The following TBC1D22A variants were observed in gnomAD, a reference collection of about 807,000 sequenced individuals.
The protein encoded by TBC1D22A is TBC1 domain family member 22A.
TBC1D22A carries 38 observed loss-of-function variants against 60.2 expected under a neutral mutation model. The ratio of observed to expected loss-of-function variants is 0.63; its 90% CI spans 0.49 to 0.83. The LOEUF (loss-of-function observed/expected upper bound fraction) is 0.83. TBC1D22A is among the 40% of genes least tolerant of loss of function. The pLI is 0.00. For synonymous variants in TBC1D22A, 302 were observed against 281.7 expected (o/e 1.07, Z -0.72); for missense variants, 628 against 701.0 (o/e 0.90, Z 1.18).
intron 4 of TBC1D22A, among the ~76,000 whole-genome samples, chr22:46,817,423 G>A (rs139245073): frequency 2.5e-3 from 375 of 152,190 alleles, no homozygotes; most frequent in African/African-American, 8.3e-3. Context: ...GCCCACCAAC[G>A]GGTGCTGGTG....
At chr22:47,107,095 A>G (rs1243381703) in intron 11 of TBC1D22A, among the ~76,000 whole-genome samples, 3 of 152,198 alleles carry the variant, frequency 2.0e-5, no homozygotes, top group South Asian at 2.1e-4. Flanking sequence ...AAAGATAACA[A>G]TTCATTTTAG....
intron 1 of TBC1D22A, among the ~76,000 whole-genome samples, chr22:46,781,342 A>G (rs1051057615): frequency 5.3e-5 from 8 of 151,806 alleles, no homozygotes; most frequent in African/African-American, 1.9e-4. Context: ...TGCCTGGTTA[A>G]TTTTTATATT....
intron 4 of TBC1D22A, among the ~76,000 whole-genome samples, chr22:46,801,809 G>T (rs1161421577): frequency 6.6e-6 from 1 of 152,264 alleles, no homozygotes; most frequent in Non-Finnish European, 1.5e-5. Context: ...TCCCCTGAGG[G>T]GTGACCATCC....
chr22:46,965,479 C>T (rs2073756523), intron 8 of TBC1D22A, among the ~76,000 whole-genome samples: 1 of 152,232 alleles, frequency 6.6e-6, no homozygotes, highest in South Asian at 2.1e-4. Flanking sequence ...GTTTTAAAGC[C>T]TTCGGCGTGC....
intron 11 of TBC1D22A, among the ~76,000 whole-genome samples, chr22:47,068,384 G>A (rs2063850894): frequency 6.6e-6 from 1 of 152,216 alleles, no homozygotes; most frequent in South Asian, 2.1e-4. Context: ...AGGAAGTCAT[G>A]TTTCTTTCTC....
chr22:47,021,411 G>T (rs557031415), intron 10 of TBC1D22A, among the ~76,000 whole-genome samples: 11 of 146,980 alleles, frequency 7.5e-5, no homozygotes, highest in Middle Eastern at 3.8e-3. Context: ...TCCACCTGTA[G>T]CCTGGAGCCC....
intron 4 of TBC1D22A, among the ~76,000 whole-genome samples, chr22:46,825,382 G>A (rs2086009954): frequency 1.3e-5 from 2 of 152,124 alleles, no homozygotes; most frequent in Admixed American, 1.3e-4. Flanking sequence ...TTTGGAATCT[G>A]CCCGTCTCCC....
At chr22:47,136,168 C>T (rs2066864231) in intron 12 of TBC1D22A, among the ~76,000 whole-genome samples, 1 of 152,234 alleles carries the variant, frequency 6.6e-6, no homozygotes, top group Non-Finnish European at 1.5e-5. Context: ...CACCACGTCC[C>T]CTGAGGCCTC....
chr22:47,020,196 A>G (rs1022452828), intron 10 of TBC1D22A, among the ~76,000 whole-genome samples: 12 of 152,152 alleles, frequency 7.9e-5, no homozygotes, highest in Admixed American at 5.9e-4. Flanking sequence ...CAGCCTTGCA[A>G]ACCACCAAGG....
chr22:46,854,878 C>G (rs1981681930), intron 4 of TBC1D22A, among the ~76,000 whole-genome samples: 1 of 152,172 alleles, frequency 6.6e-6, no homozygotes, highest in South Asian at 2.1e-4. Context: ...ACCTGCTGAT[C>G]CCCCGGCTCA....
intron 4 of TBC1D22A, among the ~76,000 whole-genome samples, chr22:46,798,860 G>A (rs1006597205): frequency 6.6e-6 from 1 of 152,162 alleles, no homozygotes; most frequent in African/African-American, 2.4e-5. Flanking sequence ...TGCAGCAGCC[G>A]GGCCTTCACG....
At chr22:46,808,683 C>T (rs935902730) in intron 4 of TBC1D22A, among the ~76,000 whole-genome samples, 3 of 152,148 alleles carry the variant, frequency 2.0e-5, no homozygotes, top group Non-Finnish European at 4.4e-5. Flanking sequence ...CAAGCTCCGC[C>T]TCCTGAGTTC....
chr22:46,915,876 C>T lies in TBC1D22A; in HGVS notation c.1015+3688C>T, dbSNP rs189709889. 86 of 451,658 alleles carry T rather than the reference C, an allele frequency of 1.9e-4. 1 individual carries two copies. The highest frequency in any genetic ancestry group is 1.4e-3 in the African/African-American group (70 of 50,050). 28.0% of individuals were successfully genotyped at this position (451,658 alleles called of 1,614,324 possible). Reference sequence around the variant, plus strand: ...TAGGAGCAGCTCTTCGGGAGTGGCTCATCGTTCTGGCTGTCAGTGGGAGGT... The same window carrying T: ...TAGGAGCAGCTCTTCGGGAGTGGCTTATCGTTCTGGCTGTCAGTGGGAGGT... On this transcript the variant is annotated intron_variant, in intron 8 of 12. Transcript: ENST00000337137.
rs541791796 is a variant in TBC1D22A, at chr22:46,903,605, G to A, written c.901-8469G>A. Among the ~76,000 whole-genome samples, 57 of 152,322 alleles carry A rather than the reference G, an allele frequency of 3.7e-4. No individual in the cohort carries two copies. The South Asian group carries it at 0.011, about 30-fold the overall frequency. On this transcript the variant is annotated intron_variant, in intron 7 of 12. Coordinates refer to ENST00000337137, the MANE Select transcript of TBC1D22A (RefSeq NM_014346.5). ...GCGAGGAATCGGGCCCTGTCCAGGG[G>A]CATGGGGAGTCTGAGAGGCCCCCTC...
intron 12 of TBC1D22A, among the ~76,000 whole-genome samples, chr22:47,154,221 T>TC (rs1014996051): frequency 8.6e-4 from 131 of 152,172 alleles, no homozygotes; most frequent in African/African-American, 3.1e-3. Context: ...CCTGTCACCC[T>TC]CCCCTCCAGC....
chr22:47,163,562 A>G (rs570525606), intron 12 of TBC1D22A, among the ~76,000 whole-genome samples: 1 of 152,164 alleles, frequency 6.6e-6, no homozygotes, highest in Admixed American at 6.5e-5. Context: ...TGAGGTTGCA[A>G]TGGGAAAGGG....
At chr22:46,878,550 C>T (rs1964382843) in intron 4 of TBC1D22A, 103 bp from the exon 5 acceptor site, 6 of 885,518 alleles carry the variant, frequency 6.8e-6, no homozygotes, top group South Asian at 1.3e-5. Flanking sequence ...GTTTATGGGG[C>T]TCCTTGCCTC....
At chr22:46,789,257 C>G (rs1239112180) in intron 1 of TBC1D22A, 3 of 286,738 alleles carry the variant, frequency 1.0e-5, no homozygotes, top group African/African-American at 6.9e-5. Flanking sequence ...TCCCAAGTAG[C>G]TGGGATTACA....
chr22:46,894,766 TTTCTCCTGC>T lies in TBC1D22A; in HGVS notation c.838-11_838-3del, dbSNP rs777518305. Reference sequence around the variant, plus strand: ...TGTTGTGACGTAACATAAATGTCCGTTTCTCCTGCTTCTCCAGATCCACATAGACATCCC... The same window carrying T: ...TGTTGTGACGTAACATAAATGTCCGTTTCTCCAGATCCACATAGACATCCC... On this transcript the variant is annotated splice_polypyrimidine_tract_variant and intron_variant, in intron 6 of 12. Transcript: ENST00000337137. 2.0e-5 allele frequency: 32 copies of T among 1,613,990 alleles called. No individual in the cohort carries two copies. The East Asian group carries it at 7.1e-4, about 36-fold the overall frequency.
Sources: gnomAD v4.1 joint callset for allele counts (sites outside exome capture counted in the v4.1 genomes callset) on GRCh38, gnomAD v4.1.1 for gene constraint, MANE v1.5 for transcripts, NCBI Gene and HGNC (gene_info 2026-07-23, HGNC 2026-07-21) for gene names.